Variants in TBC1D30 observed in about 807,000 individuals in gnomAD.
TBC1D30 encodes the protein TBC1 domain family member 30, also known as TBC1 domain family, member 30.
A neutral mutation model predicts 63.2 loss-of-function variants in TBC1D30; 31 were observed. The observed-to-expected ratio is 0.49, with a 90% CI of 0.37 to 0.66. The LOEUF is 0.66. Among genes scored for constraint, TBC1D30 ranks in the 30% least tolerant of loss-of-function variants. TBC1D30 has a pLI of 0.00. For synonymous variants in TBC1D30, 307 were observed against 361.5 expected, an observed-to-expected ratio of 0.85 and a Z score of 1.71; for missense variants, 810 against 953.6, an observed-to-expected ratio of 0.85 and a Z score of 1.98.
At chr12:64,803,533 T>C (rs1592565723) in intron 2 of TBC1D30, among the ~76,000 whole-genome samples, 1 of 152,264 alleles carries the variant, frequency 6.6e-6, no homozygotes, top group Non-Finnish European at 1.5e-5. Context: ...TTGGCTTTTG[T>C]TGCCATTGCT....
upstream of TBC1D30, among the ~76,000 whole-genome samples, chr12:64,823,356 G>C (rs1157810031): frequency 1.3e-5 from 2 of 152,182 alleles, no homozygotes; most frequent in Non-Finnish European, 2.9e-5. Context: ...GTCAACTTAA[G>C]AGAGAATTAT....
At chr12:64,815,647 A>G (rs1358337232) in intron 2 of TBC1D30, among the ~76,000 whole-genome samples, 1 of 152,240 alleles carries the variant, frequency 6.6e-6, no homozygotes, top group African/African-American at 2.4e-5. Flanking sequence ...ATATGCACAT[A>G]TACAATCATG....
intron 2 of TBC1D30, among the ~76,000 whole-genome samples, chr12:64,792,290 C>T (rs1871969946): frequency 6.6e-6 from 1 of 152,200 alleles, no homozygotes; most frequent in African/African-American, 2.4e-5. Context: ...TCTCTCTCCC[C>T]CACATTTGTG....
chr12:64,786,595 C>T (rs1871599738), intron 2 of TBC1D30, among the ~76,000 whole-genome samples: 1 of 152,086 alleles, frequency 6.6e-6, no homozygotes, highest in Admixed American at 6.5e-5. Flanking sequence ...CCCTTCTTGG[C>T]CTCCCAAAGT....
chr12:64,870,342 G>A (rs1878555843), intron 10 of TBC1D30, among the ~76,000 whole-genome samples: 1 of 152,144 alleles, frequency 6.6e-6, no homozygotes, highest in African/African-American at 2.4e-5. Context: ...TGTCTATATA[G>A]CTAACAAACT....
chr12:64,781,009 C>G, exon 1 of TBC1D30: 1 of 1,037,118 alleles, frequency 9.6e-7, no homozygotes, highest in Non-Finnish European at 1.2e-6. Flanking sequence ...ACACGGAGCC[C>G]GGCGAGGCGT....
chr12:64,870,616 C>A lies in TBC1D30; in HGVS notation c.1306C>A (p.Gln436Lys), dbSNP rs1039459450. 5.2e-6 allele frequency: 8 copies of A among 1,536,044 alleles called. No homozygotes were observed. Among genetic ancestry groups the A allele is most frequent in the African/African-American group, 1.4e-5 (1 of 73,030 alleles). The change falls in exon 11 of 12, where the codon CAG becomes AAG. Residue 436 changes from glutamine (Q) to lysine (K), a missense_variant. By Grantham distance (53) the Gln-to-Lys change is moderately conservative. Around this residue, in one of 4 missense-constraint regions of TBC1D30, gnomAD observed 450 missense variants for 473.0 expected, o/e 0.95. Transcript: ENST00000539867. ...TTCGAGCGCAGAGCCAAATGAGGAG[C>A]AGAGTCTGAGATCTAATAACATTGC... ...QKQIKEPNEE[Q>K]SLRSNNIAEL...
chr12:64,875,025 TC>T lies in TBC1D30; in HGVS notation c.1526del (p.Pro509ArgfsTer4). The T allele has an allele frequency of 6.5e-7, 1 of 1,536,682 alleles. No individual in the cohort carries two copies. Among genetic ancestry groups the T allele is most frequent in the Non-Finnish European group, 8.7e-7 (1 of 1,146,976 alleles). ...RADKGPVTSI[L>X]PSQVNSSPVI... ...GACAAAGGGCCAGTGACCAGCATTCTCCCGTCTCAGGTAAACAGTTCTCCAG... is the reference window on the plus strand; with the variant it reads ...GACAAAGGGCCAGTGACCAGCATTCTCCGTCTCAGGTAAACAGTTCTCCAG... On this transcript the variant is annotated frameshift_variant, in exon 12 of 12. Coordinates refer to ENST00000539867, the MANE Select transcript of TBC1D30 (RefSeq NM_015279.2). LOFTEE classifies it low-confidence loss of function (END_TRUNC).
chr12:64,851,712 A>G (rs1876887144), intron 8 of TBC1D30, among the ~76,000 whole-genome samples: 1 of 152,194 alleles, frequency 6.6e-6, no homozygotes, highest in Non-Finnish European at 1.5e-5. Flanking sequence ...CTTGTGAGGC[A>G]GGCCTGGTGG....
At chr12:64,802,261 C>T (rs17100671) in intron 2 of TBC1D30, among the ~76,000 whole-genome samples, 4,548 of 152,136 alleles carry the variant, frequency 0.03, 210 homozygotes, top group African/African-American at 0.1. Flanking sequence ...GTGATCTTTC[C>T]CAAAAAGCTT....
At chr12:64,766,196 C>A (rs970169087) in intron 1 of TBC1D30, among the ~76,000 whole-genome samples, 1 of 152,010 alleles carries the variant, frequency 6.6e-6, no homozygotes, top group Admixed American at 6.6e-5. Context: ...GAGCAGGGCC[C>A]TTGTGACCTG....
At chr12:64,774,392 C>T (rs1484945621) in intron 1 of TBC1D30, among the ~76,000 whole-genome samples, 1 of 152,184 alleles carries the variant, frequency 6.6e-6, no homozygotes, top group Non-Finnish European at 1.5e-5. Context: ...CTGAGAACTT[C>T]CCCAACCTAG....
In TBC1D30 at chr12:64,840,473, C is replaced by T. The variant is rs147196157; in HGVS notation, c.932+1622C>T. 1.4e-4 allele frequency among the ~76,000 whole-genome samples: 22 copies of T among 152,220 alleles called. No homozygotes were observed. The East Asian group carries it at 3.7e-3, about 25-fold the overall frequency. On this transcript the variant is annotated intron_variant, in intron 7 of 11. Transcript: ENST00000539867. ...ATCAGAATTTATTCCTAAGATCATCCCAGGGATGTCATACTGTTGAAATAA... is the reference window on the plus strand; with the variant it reads ...ATCAGAATTTATTCCTAAGATCATCTCAGGGATGTCATACTGTTGAAATAA...
chr12:64,871,236 C>T (rs1422116708), intron 11 of TBC1D30, among the ~76,000 whole-genome samples: 4 of 152,014 alleles, frequency 2.6e-5, no homozygotes, highest in Admixed American at 1.3e-4. Context: ...GATGTTGTAT[C>T]AGAGAAACTG....
At chr12:64,803,427 A>C (rs1872695440) in intron 2 of TBC1D30, among the ~76,000 whole-genome samples, 1 of 151,878 alleles carries the variant, frequency 6.6e-6, no homozygotes, top group Non-Finnish European at 1.5e-5. Flanking sequence ...GATTGCAAAA[A>C]TTTTCTCCCA....
upstream of TBC1D30, among the ~76,000 whole-genome samples, chr12:64,780,152 C>T (rs370392366): frequency 1.3e-5 from 2 of 152,320 alleles, no homozygotes; most frequent in East Asian, 3.9e-4. Flanking sequence ...TTGGTTTTCA[C>T]TGGAGGAAAA....
Position 64,878,473 on chromosome 12 carries a change from G to A in TBC1D30, c.*2685G>A, listed in dbSNP as rs1565699218. On this transcript the variant is annotated 3_prime_UTR_variant, in exon 12 of 12. Coordinates refer to ENST00000539867, the MANE Select transcript of TBC1D30 (RefSeq NM_015279.2). ...CTCATTCTGATGCCTCTGCACCTCA[G>A]TTCCTCTTACAAAAGCCTCCAGATG... 2.2e-6 allele frequency: 1 copy of A among 456,694 alleles called. No homozygotes were observed. Among genetic ancestry groups the A allele is most frequent in the Non-Finnish European group, 4.4e-6 (1 of 226,970 alleles). The allele number at this position is 456,694 out of a possible 1,614,324, so 28.3% of individuals were successfully genotyped here.
intron 2 of TBC1D30, among the ~76,000 whole-genome samples, chr12:64,799,341 A>G (rs1341657695): frequency 1.3e-5 from 2 of 152,088 alleles, no homozygotes; most frequent in African/African-American, 4.8e-5. Flanking sequence ...ACTTCATAGG[A>G]TGGTTATGTG....
chr12:64,780,868 C>T, exon 1 of TBC1D30: 5 of 1,012,070 alleles, frequency 4.9e-6, no homozygotes, highest in Middle Eastern at 3.6e-4. Context: ...TGGAATTCCG[C>T]GGCGGCGGTG....
Sources: gnomAD v4.1 joint callset for allele counts (sites outside exome capture counted in the v4.1 genomes callset) on GRCh38, gnomAD v4.1.1 for gene constraint, gnomAD v4.1.1 regional missense constraint, MANE v1.5 for transcripts, NCBI Gene and HGNC (gene_info 2026-07-23, HGNC 2026-07-21) for gene names.